TRIM55: variants seen among roughly 807,000 people sequenced by gnomAD.
TRIM55 encodes the protein tripartite motif-containing protein 55.
Under a neutral mutation model 60.9 loss-of-function variants are expected in TRIM55, and 50 were observed. That is an observed-to-expected ratio of 0.82 (90% CI 0.65 to 1.04). The LOEUF is 1.04. TRIM55 is among the 50% of genes least tolerant of loss of function. The pLI is 0.00. For synonymous variants in TRIM55, 237 were observed against 238.1 expected, an observed-to-expected ratio of 1.00 and a Z score of 0.04; for missense variants, 681 against 666.9, an observed-to-expected ratio of 1.02 and a Z score of -0.23.
intron 2 of TRIM55, among the ~76,000 whole-genome samples, chr8:66,130,738 A>G (rs1586170502): frequency 6.9e-6 from 1 of 145,714 alleles, no homozygotes; most frequent in Non-Finnish European, 1.5e-5. Context: ...TTGGCTCACT[A>G]CAAGCTCTGC....
chr8:66,116,586 G>A, the TRIM55 span, among the ~76,000 whole-genome samples: 38 of 78,342 alleles, frequency 4.9e-4, no homozygotes, highest in South Asian at 0.01. Flanking sequence ...TAGCTTGGGC[G>A]ACAGAGGGAG....
intron 4 of TRIM55, among the ~76,000 whole-genome samples, chr8:66,143,124 G>T (rs183128504): frequency 1.3e-5 from 2 of 152,336 alleles, no homozygotes; most frequent in Admixed American, 1.3e-4. Context: ...ATGTGGTGGA[G>T]ATATGAATGG....
chr8:66,137,302 C>T (rs975286504), intron 4 of TRIM55, 112 bp downstream of exon 4: 10 of 709,150 alleles, frequency 1.4e-5, no homozygotes, highest in African/African-American at 5.4e-5. Flanking sequence ...TTCTTTGCTT[C>T]TAGAATGGCC....
chr8:66,149,009 A>G (rs1288308088), intron 4 of TRIM55, among the ~76,000 whole-genome samples: 1 of 152,238 alleles, frequency 6.6e-6, no homozygotes, highest in Non-Finnish European at 1.5e-5. Context: ...AGATCACACC[A>G]CTGTACTCTA....
At chr8:66,120,048 G>A in the TRIM55 span, among the ~76,000 whole-genome samples, 1 of 152,128 alleles carries the variant, frequency 6.6e-6, no homozygotes, top group Non-Finnish European at 1.5e-5. Context: ...CTCTCAGTGT[G>A]CATCACAGTT....
chr8:66,119,907 A>G, the TRIM55 span, among the ~76,000 whole-genome samples: 2 of 152,222 alleles, frequency 1.3e-5, no homozygotes, highest in African/African-American at 4.8e-5. Context: ...ACAAGTGACT[A>G]GAGATTGGAC....
chr8:66,155,531 G>A (rs1810688700), intron 9 of TRIM55: 4 of 961,556 alleles, frequency 4.2e-6, no homozygotes, highest in Non-Finnish European at 6.4e-6. Context: ...CACGTAGTAG[G>A]GCTCAAGCCA....
intron 4 of TRIM55, among the ~76,000 whole-genome samples, chr8:66,147,639 A>G (rs1445075219): frequency 2.0e-5 from 3 of 152,084 alleles, no homozygotes; most frequent in Non-Finnish European, 4.4e-5. Flanking sequence ...TACTAAAAAT[A>G]CAAAAATTAG....
chr8:66,133,489 C>A (rs1809291933), intron 2 of TRIM55, among the ~76,000 whole-genome samples: 1 of 151,886 alleles, frequency 6.6e-6, no homozygotes, highest in Non-Finnish European at 1.5e-5. Context: ...GGATAATTTT[C>A]TCAATTGTGG....
Position 66,134,996 on chromosome 8 carries a change from A to G in TRIM55, c.348A>G (p.Glu116=). Residue 116 remains glutamate, a synonymous_variant, in exon 3 of 10, where the codon GAA becomes GAG. Transcript: ENST00000315962. ...TCTGCCTACCTCCTCCCAGGCCAGA[A>G]AAGAAATCCGACCAGCCCATGTGCG... is the stretch of plus-strand genomic sequence containing the variant. ...DIYKQESTRP[E]KKSDQPMCEE... The G allele has an allele frequency of 1.9e-6, 3 of 1,614,044 alleles. No homozygotes were observed. In the East Asian group the frequency reaches 6.7e-5, roughly 36 times the overall value.
the TRIM55 span, among the ~76,000 whole-genome samples, chr8:66,120,418 G>A: frequency 6.6e-6 from 1 of 152,282 alleles, no homozygotes; most frequent in Admixed American, 6.5e-5. Context: ...ACGGGGAAGG[G>A]GGGTTGGGGC....
intron 9 of TRIM55, among the ~76,000 whole-genome samples, chr8:66,173,325 A>G (rs1811746792): frequency 6.6e-6 from 1 of 152,232 alleles, no homozygotes; most frequent in African/African-American, 2.4e-5. Context: ...ATTGCTCTTG[A>G]AACATCATCC....
chr8:66,130,382 G>C (rs1004253646), intron 2 of TRIM55, among the ~76,000 whole-genome samples: 5 of 152,152 alleles, frequency 3.3e-5, no homozygotes, highest in African/African-American at 1.2e-4. Context: ...TTACTTGGTA[G>C]CAAAACCACA....
At chr8:66,132,112 G>C (rs922243140) in intron 2 of TRIM55, among the ~76,000 whole-genome samples, 3 of 152,126 alleles carry the variant, frequency 2.0e-5, no homozygotes, top group African/African-American at 7.2e-5. Flanking sequence ...ACTTGTCTAA[G>C]GCCACATAGC....
intron 4 of TRIM55, among the ~76,000 whole-genome samples, chr8:66,148,432 G>A (rs1046652030): frequency 1.3e-5 from 2 of 152,180 alleles, no homozygotes; most frequent in Admixed American, 1.3e-4. Context: ...GCTATCAATG[G>A]TAACTATTAT....
At chr8:66,125,381 C>T (rs1586158905), upstream of TRIM55, among the ~76,000 whole-genome samples, 1 of 152,184 alleles carries the variant, frequency 6.6e-6, no homozygotes, top group Non-Finnish European at 1.5e-5. Flanking sequence ...TACCCAGAGC[C>T]TCACACAATG....
In TRIM55 at chr8:66,150,325, ACTTGT is replaced by A. The variant is rs1810340368; in HGVS notation, c.861-13_861-9del. On this transcript the variant is annotated splice_polypyrimidine_tract_variant and intron_variant, in intron 6 of 9. Transcript: ENST00000315962. ...TTTTCAACAGTGACAGAAAGTGGCA[ACTTGT>A]CTTTGTTGCAGAATCTCGGAAGCAT... The A allele has an allele frequency of 1.9e-6, 3 of 1,614,174 alleles. No homozygotes were observed. Among genetic ancestry groups the A allele is most frequent in the Middle Eastern group, 3.3e-4 (2 of 6,062 alleles).
intron 4 of TRIM55, among the ~76,000 whole-genome samples, chr8:66,140,986 C>T (rs564153128): frequency 2.6e-4 from 39 of 152,266 alleles, no homozygotes; most frequent in African/African-American, 8.4e-4. Context: ...AGCCTCTCCC[C>T]GCCTGGGGCA....
chr8:66,152,261 G>T (rs1810471472), intron 7 of TRIM55, 116 bp from the exon 8 acceptor site: 1 of 1,398,280 alleles, frequency 7.2e-7, no homozygotes, highest in East Asian at 2.5e-5. Flanking sequence ...TCAAGTGTCT[G>T]TCAGAGAAAA....
Sources: allele counts gnomAD v4.1 joint callset (sites outside exome capture counted in the v4.1 genomes callset), GRCh38; gene constraint gnomAD v4.1.1; transcripts MANE v1.5; gene names NCBI Gene and HGNC (gene_info 2026-07-23, HGNC 2026-07-21).